Variants in CNTNAP5 observed in about 807,000 individuals in gnomAD.
CNTNAP5 encodes the protein contactin-associated protein-like 5.
In CNTNAP5, 72 loss-of-function variants were observed where a neutral mutation model predicts 150.2. The ratio of observed to expected loss-of-function variants is 0.48; its 90% CI spans 0.40 to 0.58. The LOEUF is 0.58. CNTNAP5 is among the 20% of genes least tolerant of loss of function. CNTNAP5 has a pLI of 0.00. For missense variants in CNTNAP5, 1,636 were observed against 1,626.2 expected, an observed-to-expected ratio of 1.01 and a Z score of -0.10; for synonymous variants, 672 against 619.8, an observed-to-expected ratio of 1.08 and a Z score of -1.25.
intron 13 of CNTNAP5, among the ~76,000 whole-genome samples, chr2:124,725,512 T>C (rs1360128427): frequency 1.4e-5 from 2 of 147,510 alleles, no homozygotes; most frequent in African/African-American, 5.0e-5. Context: ...CTCCTCTCCT[T>C]TCCTCTTCTC....
intron 12 of CNTNAP5, among the ~76,000 whole-genome samples, chr2:124,624,956 C>T (rs1317874005): frequency 6.6e-6 from 1 of 152,144 alleles, no homozygotes; most frequent in Non-Finnish European, 1.5e-5. Flanking sequence ...CAGAGATAGG[C>T]ACCATCTGGA....
At chr2:124,821,208 A>G (rs1378785658) in intron 19 of CNTNAP5, among the ~76,000 whole-genome samples, 1 of 152,196 alleles carries the variant, frequency 6.6e-6, no homozygotes, top group African/African-American at 2.4e-5. Context: ...GGCCCACTCC[A>G]CTTACCGATA....
At chr2:124,152,026 A>ATGG (rs1684417233) in intron 1 of CNTNAP5, among the ~76,000 whole-genome samples, 1 of 152,200 alleles carries the variant, frequency 6.6e-6, no homozygotes, top group South Asian at 2.1e-4. Flanking sequence ...CACTTGCCAT[A>ATGG]TGGTGACTCA....
At chr2:124,850,480 A>G (rs1683132491) in intron 19 of CNTNAP5, among the ~76,000 whole-genome samples, 1 of 152,194 alleles carries the variant, frequency 6.6e-6, no homozygotes, top group Non-Finnish European at 1.5e-5. Context: ...AGGAGCTACC[A>G]GAAGCTGAAA....
intron 1 of CNTNAP5, among the ~76,000 whole-genome samples, chr2:124,181,797 A>G (rs1006286064): frequency 1.8e-4 from 27 of 152,362 alleles, no homozygotes; most frequent in South Asian, 8.3e-4. Flanking sequence ...TGAGATGTAG[A>G]AAATGCTATA....
chr2:124,609,812 C>T lies in CNTNAP5; in HGVS notation c.1768C>T (p.Gln590Ter). The change falls in exon 12 of 24, where the codon CAA becomes TAA. Residue 590 changes from glutamine (Q) to a stop codon, truncating the protein, a stop_gained. Coordinates refer to ENST00000682447, the MANE Select transcript of CNTNAP5 (RefSeq NM_001367498.1). LOFTEE classifies it high-confidence loss of function. ...CTTTGTCTTTCCAGCCATCTACGAG[C>T]AATCCTGCGAGGTGTACAGGCACCA... is the stretch of plus-strand genomic sequence containing the variant. ...GATCHNSIYEQSCEVYRHQGN... is the reference protein window; with the variant it reads ...GATCHNSIYE 1 of 1,613,684 alleles carries T rather than the reference C, an allele frequency of 6.2e-7. No individual in the cohort carries two copies. The highest frequency in any genetic ancestry group is 8.5e-7 in the Non-Finnish European group (1 of 1,179,700).
At chr2:124,860,426 T>A (rs562078581) in intron 19 of CNTNAP5, among the ~76,000 whole-genome samples, 1 of 123,042 alleles carries the variant, frequency 8.1e-6, no homozygotes, top group Non-Finnish European at 1.6e-5. Context: ...CTTCCTTCCT[T>A]CCTTCCTTCC....
At chr2:124,722,344 G>A (rs1680066542) in intron 13 of CNTNAP5, among the ~76,000 whole-genome samples, 1 of 152,038 alleles carries the variant, frequency 6.6e-6, no homozygotes, top group African/African-American at 2.4e-5. Flanking sequence ...TCCTGCTGCA[G>A]AATTTTTCTC....
chr2:124,079,940 G>A (rs1682523657), intron 1 of CNTNAP5, among the ~76,000 whole-genome samples: 1 of 152,114 alleles, frequency 6.6e-6, no homozygotes, highest in South Asian at 2.1e-4. Context: ...GGCTGTTGAA[G>A]AATAAATGAA....
rs181564667 is a variant in CNTNAP5 at position 124,059,200 on chromosome 2, A to T, written c.82+33468A>T. 2.3e-3 allele frequency among the ~76,000 whole-genome samples: 345 copies of T among 152,152 alleles called. 1 individual carries two copies. The highest frequency in any genetic ancestry group is 3.9e-3 in the Non-Finnish European group (266 of 68,026). On this transcript the variant is annotated intron_variant, in intron 1 of 23. Transcript: ENST00000682447. ...TATTTTCTCTTACTTAGGTAGTAAA[A>T]GTTATCCTTAACAGTATTATTAAAA... is the stretch of plus-strand genomic sequence containing the variant.
At chr2:124,500,007 A>G (rs1406230501) in intron 7 of CNTNAP5, among the ~76,000 whole-genome samples, 7 of 152,120 alleles carry the variant, frequency 4.6e-5, no homozygotes, top group Non-Finnish European at 1.0e-4. Flanking sequence ...CCCAGCCTGA[A>G]CGCTGGAGAA....
rs770064372 is a variant in CNTNAP5, at chr2:124,798,178, C to T, written c.3075C>T (p.Leu1025=). 15 of 1,613,774 alleles carry T rather than the reference C, an allele frequency of 9.3e-6. No homozygotes were observed. In the Admixed American group the frequency reaches 2.3e-4, roughly 25 times the overall value. Residue 1025 remains leucine (L), a synonymous_variant, in exon 19 of 24, where the codon CTC becomes CTT. Coordinates refer to ENST00000682447, the MANE Select transcript of CNTNAP5 (RefSeq NM_001367498.1). ...ATCCTGTGACCAAGAATATAAGCCT[C>T]TCATCCTCAGCTATTTACACAGATT... The part of the protein sequence containing the change: ...EPYPVTKNIS[L]SSSAIYTDSA...
At chr2:124,190,942 A>G (rs1479651231) in intron 1 of CNTNAP5, among the ~76,000 whole-genome samples, 4 of 152,144 alleles carry the variant, frequency 2.6e-5, no homozygotes, top group African/African-American at 7.2e-5. Flanking sequence ...CTCTGGGAGG[A>G]TACCACTCCA....
chr2:124,109,505 G>A (rs554401012), intron 1 of CNTNAP5, among the ~76,000 whole-genome samples: 3 of 152,166 alleles, frequency 2.0e-5, no homozygotes, highest in Non-Finnish European at 4.4e-5. Flanking sequence ...GCCCACCCTT[G>A]GTTCAGATAA....
chr2:124,095,738 G>A (rs1017366415), intron 1 of CNTNAP5, among the ~76,000 whole-genome samples: 2 of 151,966 alleles, frequency 1.3e-5, no homozygotes, highest in South Asian at 4.2e-4. Context: ...ATTTTAAATT[G>A]CCTTGATTTT....
chr2:124,727,896 GA>G (rs1436756962), intron 13 of CNTNAP5, among the ~76,000 whole-genome samples: 3 of 43,550 alleles, frequency 6.9e-5, no homozygotes, highest in Admixed American at 4.1e-4. Flanking sequence ...AATCTTAGAG[GA>G]AAATCTTTCA....
At chr2:124,148,160 A>G (rs1206642303) in intron 1 of CNTNAP5, among the ~76,000 whole-genome samples, 1 of 152,006 alleles carries the variant, frequency 6.6e-6, no homozygotes, top group East Asian at 1.9e-4. Context: ...ACTTTGGTGA[A>G]CATAATTTCT....
intron 20 of CNTNAP5, among the ~76,000 whole-genome samples, chr2:124,868,362 C>G (rs1270248066): frequency 6.6e-6 from 1 of 152,138 alleles, no homozygotes; most frequent in Non-Finnish European, 1.5e-5. Context: ...CCCTCTGGAA[C>G]TCTAGTTGTG....
At chr2:124,703,630 C>A (rs530248221) in intron 13 of CNTNAP5, among the ~76,000 whole-genome samples, 2 of 152,204 alleles carry the variant, frequency 1.3e-5, no homozygotes, top group Non-Finnish European at 2.9e-5. Context: ...TTGAATATAC[C>A]ATAGGCATTT....
Sources: allele counts gnomAD v4.1 joint callset (sites outside exome capture counted in the v4.1 genomes callset), GRCh38; gene constraint gnomAD v4.1.1; transcripts MANE v1.5; gene names NCBI Gene and HGNC (gene_info 2026-07-23, HGNC 2026-07-21).